OSBPL10: variants seen among roughly 807,000 people sequenced by gnomAD.
The protein encoded by OSBPL10 is oxysterol binding protein like 10.
In OSBPL10, 49 loss-of-function variants were observed where a neutral mutation model predicts 81.7. The ratio of observed to expected loss-of-function variants is 0.60; its 90% confidence interval spans 0.48 to 0.76. OSBPL10 has a LOEUF of 0.76. Ranked by LOEUF, OSBPL10 falls within the 30% of genes least tolerant of loss-of-function variation. The pLI is 0.00. For missense variants in OSBPL10, 923 were observed against 987.8 expected (o/e 0.93, Z 0.88); for synonymous variants, 419 against 383.6 (o/e 1.09, Z -1.08).
chr3:31,842,218 C>T (rs1156738521), intron 3 of OSBPL10, among the ~76,000 whole-genome samples: 2 of 152,178 alleles, frequency 1.3e-5, no homozygotes, highest in Non-Finnish European at 2.9e-5. Flanking sequence ...TGGATGATTT[C>T]GCTGTTTTGA....
Position 31,836,594 on chromosome 3 carries a change from C to T in OSBPL10, c.538-6363G>A, listed in dbSNP as rs140473646. ...GCTGACTCTTCCTTAACAGTTAATT[C>T]AACTGCTCTGGAATCCCTAGCCAGT... On this transcript the variant is annotated intron_variant, in intron 3 of 11. Transcript: ENST00000396556. Among the ~76,000 whole-genome samples, 422 of 148,354 alleles carry T rather than the reference C, an allele frequency of 2.8e-3. 3 individuals are homozygous for T. The highest frequency in any genetic ancestry group is 9.4e-3 in the African/African-American group (379 of 40,494).
At chr3:32,038,759 G>A (rs970460929) in intron 2 of OSBPL10, among the ~76,000 whole-genome samples, 1 of 152,214 alleles carries the variant, frequency 6.6e-6, no homozygotes, top group African/African-American at 2.4e-5. Context: ...TTGTGGTGAT[G>A]TTTGCACAAC....
rs1174037204 is a variant in OSBPL10, at chr3:31,678,087, C to CAAAAAAAAAAA, written c.1726+5536_1726+5546dup. 8.2e-4 allele frequency among the ~76,000 whole-genome samples: 63 copies of CAAAAAAAAAAA among 76,646 alleles called. 1 individual carries two copies. Among genetic ancestry groups the CAAAAAAAAAAA allele is most frequent in the East Asian group, 4.3e-3 (10 of 2,324 alleles). 50.3% of individuals were successfully genotyped at this position (76,646 alleles called of 152,430 possible). ...TGGGCGACAGAGCGAGACTCCGTCT[C>CAAAAAAAAAAA]AAAAAAAAAAAAAAAAAAAAAGACA... On this transcript the variant is annotated intron_variant, in intron 8 of 11. Transcript: ENST00000396556.
intron 7 of OSBPL10, among the ~76,000 whole-genome samples, chr3:31,690,472 CT>C (rs1695500543): frequency 6.6e-6 from 1 of 152,096 alleles, no homozygotes; most frequent in African/African-American, 2.4e-5. Flanking sequence ...TTGTGCTACT[CT>C]TGCAACTTTA....
intron 4 of OSBPL10, among the ~76,000 whole-genome samples, chr3:31,806,139 C>T (rs1359744479): frequency 4.6e-5 from 7 of 152,208 alleles, no homozygotes; most frequent in East Asian, 1.9e-4. Context: ...CCTATCATGC[C>T]GTCACACCAC....
chr3:31,694,504 C>A (rs933252893), intron 7 of OSBPL10, among the ~76,000 whole-genome samples: 1 of 149,470 alleles, frequency 6.7e-6, no homozygotes, highest in African/African-American at 2.5e-5. Flanking sequence ...TTTCAGTGAA[C>A]ATTGCTGATT....
At chr3:31,967,463 G>A (rs905438748) in intron 1 of OSBPL10, among the ~76,000 whole-genome samples, 3 of 150,784 alleles carry the variant, frequency 2.0e-5, no homozygotes, top group African/African-American at 7.4e-5. Context: ...GTGGACAACA[G>A]AGCAACACCC....
chr3:31,946,142 G>A (rs926567331), intron 1 of OSBPL10, among the ~76,000 whole-genome samples: 4 of 151,780 alleles, frequency 2.6e-5, no homozygotes, highest in African/African-American at 7.3e-5. Context: ...CACCATGCCC[G>A]GCTAATTTTT....
At chr3:31,956,874 T>A (rs1411567090) in intron 1 of OSBPL10, among the ~76,000 whole-genome samples, 1 of 152,106 alleles carries the variant, frequency 6.6e-6, no homozygotes, top group Non-Finnish European at 1.5e-5. Flanking sequence ...GGCTCAAGCC[T>A]GTAATCTCAG....
chr3:31,735,975 G>A (rs530775259), intron 5 of OSBPL10, among the ~76,000 whole-genome samples: 12 of 152,248 alleles, frequency 7.9e-5, no homozygotes, highest in Admixed American at 4.6e-4. Flanking sequence ...AAGAGTGTAC[G>A]CTCAGTATGA....
intron 4 of OSBPL10, among the ~76,000 whole-genome samples, chr3:31,809,991 T>G (rs1489825907): frequency 6.6e-6 from 1 of 151,152 alleles, no homozygotes; most frequent in Admixed American, 6.6e-5. Context: ...CCTGCCTCAG[T>G]CTCCCGAGTA....
intron 1 of OSBPL10, among the ~76,000 whole-genome samples, chr3:31,895,951 A>G (rs1003545010): frequency 6.6e-6 from 1 of 152,198 alleles, no homozygotes; most frequent in African/African-American, 2.4e-5. Flanking sequence ...GCACTCAGTA[A>G]TTGCTGAGAA....
At chr3:31,889,464 A>C (rs1039089595) in intron 1 of OSBPL10, among the ~76,000 whole-genome samples, 1 of 152,224 alleles carries the variant, frequency 6.6e-6, no homozygotes, top group Non-Finnish European at 1.5e-5. Context: ...AACATTATTC[A>C]GCCTTAAAAA....
chr3:31,817,579 C>T (rs1699872000), intron 4 of OSBPL10, among the ~76,000 whole-genome samples: 1 of 149,886 alleles, frequency 6.7e-6, no homozygotes, highest in Non-Finnish European at 1.5e-5. Flanking sequence ...CCCAGCAGGG[C>T]AAATCCTGCC....
intron 6 of OSBPL10, chr3:31,732,724 A>C (rs576512642): frequency 3.2e-5 from 5 of 156,142 alleles, no homozygotes; most frequent in African/African-American, 9.6e-5. Context: ...CAGGATCTGC[A>C]AGGACTGCTC....
At chr3:31,794,976 AT>A in intron 4 of OSBPL10, 1 of 307,402 alleles carries the variant, frequency 3.3e-6, no homozygotes, top group Non-Finnish European at 6.7e-6. Flanking sequence ...CACAGGAGCC[AT>A]TTATCTCTTA....
chr3:31,753,132 A>G (rs1575522234), intron 4 of OSBPL10, among the ~76,000 whole-genome samples: 1 of 150,912 alleles, frequency 6.6e-6, no homozygotes, highest in Admixed American at 6.6e-5. Context: ...TAACGTAGGC[A>G]CTTTTTCACT....
chr3:31,663,589 G>C, intron 11 of OSBPL10: 1 of 1,020,246 alleles, frequency 9.8e-7, no homozygotes, highest in Non-Finnish European at 1.2e-6. Flanking sequence ...GACTCAGGCT[G>C]GCCTTCCCCT....
chr3:31,873,369 T>G (rs962374896), intron 3 of OSBPL10, among the ~76,000 whole-genome samples: 1 of 152,232 alleles, frequency 6.6e-6, no homozygotes, highest in Non-Finnish European at 1.5e-5. Context: ...ATTCCCTCCT[T>G]GTTTTTCTCA....
Sources: gnomAD v4.1 joint callset for allele counts (sites outside exome capture counted in the v4.1 genomes callset) on GRCh38, gnomAD v4.1.1 for gene constraint, MANE v1.5 for transcripts, NCBI Gene and HGNC (gene_info 2026-07-23, HGNC 2026-07-21) for gene names.